The following TMIGD3 variants were observed in gnomAD, a reference collection of about 807,000 sequenced individuals.
TMIGD3 encodes the protein AD026 protein (AD026).
TMIGD3 carries 21 observed loss-of-function variants against 28.1 expected under a neutral mutation model. That is an observed-to-expected ratio of 0.75 (90% CI 0.53 to 1.08). TMIGD3 has a LOEUF of 1.08. Ranked by LOEUF, TMIGD3 falls within the 50% of genes least tolerant of loss-of-function variation. The pLI is 0.00. For synonymous variants in TMIGD3, 151 were observed against 162.1 expected (o/e 0.93, Z 0.52); for missense variants, 416 against 435.6 (o/e 0.96, Z 0.40).
Position 111,490,583 on chromosome 1 carries a change from T to G in TMIGD3, c.457+73A>C, listed in dbSNP as rs1654608047. The G allele has an allele frequency of 2.7e-6, 3 of 1,124,656 alleles. No individual in the cohort carries two copies. In the South Asian group the frequency reaches 3.8e-5, roughly 14 times the overall value. 69.7% of individuals were successfully genotyped at this position (1,124,656 alleles called of 1,614,324 possible). ...TTAATAAGCAAGGACTCCAAGTAGG[T>G]GAGGACTTCAGTGCAAAGTCTCTGG... On this transcript the variant is annotated intron_variant, in intron 2 of 5. Coordinates refer to ENST00000369716, the MANE Select transcript of TMIGD3 (RefSeq NM_020683.7).
intron 1 of TMIGD3, among the ~76,000 whole-genome samples, chr1:111,492,963 A>G (rs911841671): frequency 1.3e-5 from 2 of 152,138 alleles, no homozygotes; most frequent in African/African-American, 4.8e-5. Context: ...TATAAATAGG[A>G]AGGTAAATAG....
upstream of TMIGD3, among the ~76,000 whole-genome samples, chr1:111,507,035 GTGTGTATA>G (rs1173691758): frequency 4.1e-4 from 22 of 53,774 alleles, no homozygotes; most frequent in Admixed American, 6.9e-4. Context: ...GTGTGTGTGT[GTGTGTATA>G]TATATATATA....
chr1:111,522,660 G>A (rs1411225000), intron 1 of TMIGD3, among the ~76,000 whole-genome samples: 1 of 151,958 alleles, frequency 6.6e-6, no homozygotes, highest in Non-Finnish European at 1.5e-5. Context: ...GGGATTACAG[G>A]CGCGTGCCAC....
chr1:111,499,090 C>CAAAAAAA (rs59510125), intron 1 of TMIGD3, among the ~76,000 whole-genome samples: 2 of 135,664 alleles, frequency 1.5e-5, no homozygotes, highest in African/African-American at 5.5e-5. Context: ...GACCTTGTCT[C>CAAAAAAA]AAAAAAAAAA....
At chr1:111,530,498 G>A (rs759427445) in intron 1 of TMIGD3, among the ~76,000 whole-genome samples, 27 of 152,130 alleles carry the variant, frequency 1.8e-4, no homozygotes, top group African/African-American at 1.9e-4. Context: ...TTATTGTTGC[G>A]CAGCTCTGCT....
chr1:111,533,424 T>C (rs2101016421), intron 1 of TMIGD3, among the ~76,000 whole-genome samples: 1 of 152,338 alleles, frequency 6.6e-6, no homozygotes, highest in South Asian at 2.1e-4. Context: ...TAAAAGTATA[T>C]AAAATTAAAA....
intron 1 of TMIGD3, among the ~76,000 whole-genome samples, chr1:111,511,323 C>T (rs1655685395): frequency 6.6e-6 from 1 of 152,194 alleles, no homozygotes; most frequent in African/African-American, 2.4e-5. Flanking sequence ...TAAAATATAC[C>T]TGCCACAGAA....
chr1:111,547,973 T>C (rs998144379), intron 1 of TMIGD3, among the ~76,000 whole-genome samples: 16 of 152,270 alleles, frequency 1.1e-4, no homozygotes, highest in African/African-American at 3.6e-4. Context: ...CCTTTGCTCT[T>C]GACCAGTTCA....
At chr1:111,539,028 C>T (rs1032101075) in intron 1 of TMIGD3, among the ~76,000 whole-genome samples, 1 of 152,188 alleles carries the variant, frequency 6.6e-6, no homozygotes, top group Non-Finnish European at 1.5e-5. Flanking sequence ...GTAGTGATAT[C>T]CCAGCCTTAG....
At chr1:111,537,578 T>C (rs1256176636) in intron 1 of TMIGD3, among the ~76,000 whole-genome samples, 1 of 152,244 alleles carries the variant, frequency 6.6e-6, no homozygotes, top group Non-Finnish European at 1.5e-5. Context: ...GTCCAAGCAG[T>C]ACTTTAAAAT....
At position 111,503,173 on chromosome 1, in the gene TMIGD3, A is replaced by G. The variant is rs747927523; in HGVS notation, c.182T>C (p.Val61Ala). The change falls in exon 1 of 6, where the codon GTT (valine) becomes GCT (alanine). Residue 61 changes from valine (V) to alanine (A), a missense_variant. Coordinates refer to ENST00000369716, the MANE Select transcript of TMIGD3 (RefSeq NM_020683.7). The stretch of plus-strand genomic sequence containing the variant: ...GGCCAAAGGCATGACCAGCACCCCA[A>G]CAGCAATGTCAGCCAGGGCTAGAGA... ...IVSLALADIAVGVLVMPLAIV... is the reference protein window; with the variant it reads ...IVSLALADIAAGVLVMPLAIV... 1 of 1,614,250 alleles carries G rather than the reference A, an allele frequency of 6.2e-7. No individual in the cohort carries two copies. Among genetic ancestry groups the G allele is most frequent in the Admixed American group, 1.7e-5 (1 of 60,028 alleles).
At chr1:111,514,345 G>A (rs1015061591) in intron 1 of TMIGD3, among the ~76,000 whole-genome samples, 5 of 152,062 alleles carry the variant, frequency 3.3e-5, no homozygotes, top group Admixed American at 2.6e-4. Context: ...AGGAGTTCAA[G>A]ACCAGCATAA....
At chr1:111,509,875 A>G (rs1655633242) in intron 1 of TMIGD3, among the ~76,000 whole-genome samples, 1 of 152,252 alleles carries the variant, frequency 6.6e-6, no homozygotes, top group African/African-American at 2.4e-5. Flanking sequence ...ACAGATAGAA[A>G]ACTAAGGCTA....
At chr1:111,559,213 G>A (rs1480082150) in intron 1 of TMIGD3, among the ~76,000 whole-genome samples, 1 of 152,044 alleles carries the variant, frequency 6.6e-6, no homozygotes, top group Non-Finnish European at 1.5e-5. Context: ...AGTCTTAATT[G>A]CCTATATGAG....
chr1:111,499,660 A>G (rs1008803063), intron 1 of TMIGD3: 7 of 1,190,594 alleles, frequency 5.9e-6, no homozygotes, highest in African/African-American at 1.6e-5. Context: ...AGGCTCCATG[A>G]CTTATTCTTC....
intron 1 of TMIGD3, among the ~76,000 whole-genome samples, chr1:111,546,665 C>A (rs778531137): frequency 1.3e-5 from 2 of 152,144 alleles, no homozygotes; most frequent in Non-Finnish European, 2.9e-5. Flanking sequence ...TTTATCAATT[C>A]ATCCATTGAT....
At chr1:111,545,673 T>G (rs1657010001) in intron 1 of TMIGD3, among the ~76,000 whole-genome samples, 1 of 152,172 alleles carries the variant, frequency 6.6e-6, no homozygotes, top group South Asian at 2.1e-4. Flanking sequence ...GTGCTTTTTG[T>G]GTCATATTTA....
intron 1 of TMIGD3, among the ~76,000 whole-genome samples, chr1:111,529,686 T>C (rs1035354042): frequency 1.3e-5 from 2 of 150,786 alleles, no homozygotes; most frequent in African/African-American, 2.4e-5. Context: ...GGGTTGGGGG[T>C]AAGGTCACAG....
intron 1 of TMIGD3, among the ~76,000 whole-genome samples, chr1:111,524,016 T>C (rs1484660994): frequency 7.1e-6 from 1 of 140,328 alleles, no homozygotes; most frequent in Non-Finnish European, 1.5e-5. Flanking sequence ...TGTTTCTTTC[T>C]TTCTTTCTTT....
Sources: gnomAD v4.1 joint callset for allele counts (sites outside exome capture counted in the v4.1 genomes callset) on GRCh38, gnomAD v4.1.1 for gene constraint, MANE v1.5 for transcripts, NCBI Gene and HGNC (gene_info 2026-07-23, HGNC 2026-07-21) for gene names.